TNRC6C: variants seen among roughly 807,000 people sequenced by gnomAD.
TNRC6C encodes the protein trinucleotide repeat containing adaptor 6C.
A neutral mutation model predicts 153.7 loss-of-function variants in TNRC6C; 20 were observed. The ratio of observed to expected loss-of-function variants is 0.13; its 90% confidence interval spans 0.09 to 0.19. The LOEUF (loss-of-function observed/expected upper bound fraction) is 0.19. Ranked by LOEUF, TNRC6C falls within the 10% of genes least tolerant of loss-of-function variation. TNRC6C has a pLI of 1.00. For synonymous variants in TNRC6C, 811 were observed against 841.4 expected (o/e 0.96, Z 0.63); for missense variants, 1,987 against 2,172.0 (o/e 0.91, Z 1.69).
intron 1 of TNRC6C, 132 bp from the exon 4 acceptor site, chr17:78,031,384 A>T: frequency 1.6e-6 from 1 of 609,106 alleles, no homozygotes; most frequent in Non-Finnish European, 2.4e-6. Context: ...TCTAGACTTT[A>T]GTCCAGTTCT....
In TNRC6C at chr17:77,993,400, A is replaced by G. The variant is rs181070830; in HGVS notation, c.-37-10770A>G. Reference sequence around the variant, plus strand: ...ACATAGTATTAGATTTACAGTTCATACCAATTTTATGCTTTGAATTTTAGT... The same window carrying G: ...ACATAGTATTAGATTTACAGTTCATGCCAATTTTATGCTTTGAATTTTAGT... On this transcript the variant is annotated intron_variant, in intron 1 of 22. Coordinates refer to the TNRC6C transcript ENST00000636222. Among the ~76,000 whole-genome samples the G allele has an allele frequency of 2.8e-3, 419 of 152,338 alleles. 11 individuals carry two copies. Among genetic ancestry groups the G allele is most frequent in the Admixed American group, 0.021 (327 of 15,298 alleles).
Position 78,067,930 on chromosome 17 carries a change from A to G in TNRC6C, c.2778+7A>G. The G allele has an allele frequency of 1.2e-6, 2 of 1,606,676 alleles. No homozygotes were observed. Among genetic ancestry groups the G allele is most frequent in the Non-Finnish European group, 1.7e-6 (2 of 1,176,918 alleles). On this transcript the variant is annotated splice_region_variant and intron_variant, in intron 5 of 19. Transcript: ENST00000301624. ...CAAAAAAGGACTTCAAAAGGTAAGT[A>G]CAACACTCTTAACGACGGTACACCC...
chr17:78,019,056 T>C (rs1464810524), intron 1 of TNRC6C, among the ~76,000 whole-genome samples: 1 of 152,048 alleles, frequency 6.6e-6, no homozygotes, highest in Admixed American at 6.5e-5. Flanking sequence ...GTTGGGATGA[T>C]ACAGAAGTAT....
At chr17:78,004,411 C>T (rs1009946327), upstream of TNRC6C, 17 of 993,386 alleles carry the variant, frequency 1.7e-5, no homozygotes, top group Non-Finnish European at 2.2e-5. Flanking sequence ...AATAGATATC[C>T]TACTGGTGAA....
chr17:78,014,788 C>T (rs953666649), intron 1 of TNRC6C, among the ~76,000 whole-genome samples: 3 of 151,468 alleles, frequency 2.0e-5, no homozygotes, highest in African/African-American at 4.9e-5. Context: ...GAGTTGGGCT[C>T]CAAATGTTGC....
chr17:78,045,437 T>C (rs1013770000), intron 2 of TNRC6C, among the ~76,000 whole-genome samples: 1 of 100,910 alleles, frequency 9.9e-6, no homozygotes, highest in East Asian at 2.7e-4. Flanking sequence ...GTTATTTTGC[T>C]GTGGCATAGT....
chr17:77,993,258 G>A (rs1389919885), intron 1 of TNRC6C, among the ~76,000 whole-genome samples: 3 of 152,060 alleles, frequency 2.0e-5, no homozygotes, highest in Admixed American at 6.5e-5. Flanking sequence ...CACCGCGTGC[G>A]GCCCTATCAC....
At chr17:77,959,002 C>T (rs932924785), upstream of TNRC6C, among the ~76,000 whole-genome samples, 9 of 144,980 alleles carry the variant, frequency 6.2e-5, no homozygotes, top group African/African-American at 2.2e-4. Context: ...CGCATCCCGC[C>T]GGGCGTGAGG....
chr17:78,009,160 A>C (rs565204594), intron 1 of TNRC6C, among the ~76,000 whole-genome samples: 1 of 152,208 alleles, frequency 6.6e-6, no homozygotes, highest in Non-Finnish European at 1.5e-5. Flanking sequence ...TAACTTGTGC[A>C]TTGTAGCTCT....
upstream of TNRC6C, among the ~76,000 whole-genome samples, chr17:78,003,843 G>A (rs1302131526): frequency 6.6e-6 from 1 of 152,160 alleles, no homozygotes; most frequent in Non-Finnish European, 1.5e-5. Context: ...GCAGGAGATC[G>A]CTTGAGCCCA....
At position 78,049,720 on chromosome 17, in the gene TNRC6C, C is replaced by T. The variant is rs372282181; in HGVS notation, c.658C>T (p.Pro220Ser). 5 of 1,597,554 alleles carry T rather than the reference C, an allele frequency of 3.1e-6. No homozygotes were observed. Among genetic ancestry groups the T allele is most frequent in the Non-Finnish European group, 8.5e-7 (1 of 1,170,260 alleles). ...TGTTGGTATGGGGGCCATCATCCCG[C>T]CCCACCTGCAAGGCCTTCCTGGTGC... The change falls in exon 3 of 20, where the codon CCC becomes TCC. Residue 220 changes from proline to serine, a missense_variant. By Grantham distance (74) the Pro-to-Ser change is moderately conservative. This residue lies in a region of TNRC6C where 1,052 missense variants were observed against 1,017.0 expected (regional missense o/e 1.03). Coordinates refer to ENST00000301624, the Ensembl canonical transcript of TNRC6C. The surrounding 1 kb of genome is among the most constrained non-coding windows in gnomAD (Gnocchi z 4.1).
intron 15 of TNRC6C, 138 bp from the exon 18 acceptor site, chr17:78,093,482 G>T (rs1567964460): frequency 9.6e-7 from 1 of 1,039,394 alleles, no homozygotes; most frequent in Non-Finnish European, 1.4e-6. Context: ...TTTAATGAAA[G>T]AGAGTATAAG....
chr17:78,108,722 A>T (rs1363662947), exon 20 of TNRC6C: 2 of 153,994 alleles, frequency 1.3e-5, no homozygotes, highest in African/African-American at 4.8e-5. Flanking sequence ...CACCATTTCC[A>T]CCCATGGGTG....
At chr17:78,026,041 A>G (rs1171438560) in intron 1 of TNRC6C, among the ~76,000 whole-genome samples, 2 of 152,164 alleles carry the variant, frequency 1.3e-5, no homozygotes, top group Non-Finnish European at 2.9e-5. Context: ...CAGATCATAT[A>G]TATTATTAGT....
At position 78,104,961 on chromosome 17, in the gene TNRC6C, A is replaced by G. The variant is rs1047675539; in HGVS notation, c.*116A>G. The G allele has an allele frequency of 7.7e-6, 10 of 1,299,258 alleles. No homozygotes were observed. In the African/African-American group the frequency reaches 1.4e-4, roughly 18 times the overall value. 80.5% of individuals were successfully genotyped at this position (1,299,258 alleles called of 1,614,324 possible). ...GCCGCCCTTTTGAGTACCTCTGTCC[A>G]GGACTGAAGACGAACCTTGGCCGCA... On this transcript the variant is annotated 3_prime_UTR_variant, in exon 20 of 20. Transcript: ENST00000301624. This position sits in a 1 kb window ranked among gnomAD's most constrained non-coding sequence, Gnocchi z 6.2.
chr17:78,013,937 G>C (rs185817817), intron 1 of TNRC6C, among the ~76,000 whole-genome samples: 1 of 152,322 alleles, frequency 6.6e-6, no homozygotes, highest in African/African-American at 2.4e-5. Flanking sequence ...TTTTGCCTAA[G>C]AGAATAAGAA....
intron 3 of TNRC6C, among the ~76,000 whole-genome samples, chr17:78,055,624 A>C (rs897706731): frequency 5.9e-5 from 9 of 152,214 alleles, no homozygotes; most frequent in Admixed American, 5.9e-4. Context: ...GACTATTTTA[A>C]ATTGGCTTGT....
At chr17:77,999,511 G>A (rs1237596168), upstream of TNRC6C, among the ~76,000 whole-genome samples, 1 of 152,190 alleles carries the variant, frequency 6.6e-6, no homozygotes, top group Non-Finnish European at 1.5e-5. Context: ...TAATTGGCAG[G>A]AGAGAGGCTG....
chr17:77,993,691 A>G (rs1214481704), intron 1 of TNRC6C, among the ~76,000 whole-genome samples: 4 of 152,140 alleles, frequency 2.6e-5, no homozygotes, highest in Non-Finnish European at 5.9e-5. Flanking sequence ...TGTGGGCAGC[A>G]TCTGAACCTG....
Sources: allele counts gnomAD v4.1 joint callset (sites outside exome capture counted in the v4.1 genomes callset), GRCh38; gene constraint gnomAD v4.1.1; regional missense constraint gnomAD v4.1.1; non-coding constraint Gnocchi (gnomAD v3.1); transcripts MANE v1.5; gene names NCBI Gene and HGNC (gene_info 2026-07-23, HGNC 2026-07-21).